The following SLC39A11 variants were observed in gnomAD, a reference collection of about 807,000 sequenced individuals.
The protein encoded by SLC39A11 is zinc transporter ZIP11.
Under a neutral mutation model 36.1 loss-of-function variants are expected in SLC39A11, and 33 were observed. The observed-to-expected ratio is 0.91, with a 90% confidence interval of 0.69 to 1.22. The LOEUF (loss-of-function observed/expected upper bound fraction) is 1.22. Ranked by LOEUF, SLC39A11 falls within the 50% of genes most tolerant of loss-of-function variation. The probability of loss-of-function intolerance (pLI) is 0.00; values close to 1 mark genes in which losing one functional copy is unlikely to be tolerated. For synonymous variants in SLC39A11, 166 were observed against 170.3 expected (o/e 0.97, Z 0.20); for missense variants, 432 against 430.3 (o/e 1.00, Z -0.03).
chr17:72,826,489 T>G (rs1267911520), intron 6 of SLC39A11, among the ~76,000 whole-genome samples: 1 of 152,334 alleles, frequency 6.6e-6, no homozygotes, highest in Non-Finnish European at 1.5e-5. Context: ...TGATTTTTTC[T>G]AAGCTAATTG....
chr17:72,716,189 C>A (rs899760428), intron 7 of SLC39A11, among the ~76,000 whole-genome samples: 2 of 152,146 alleles, frequency 1.3e-5, no homozygotes, highest in African/African-American at 2.4e-5. Flanking sequence ...AGGCCCCTGG[C>A]AGATGGCAGG....
At chr17:73,082,422 T>C (rs1408783705) in intron 3 of SLC39A11, among the ~76,000 whole-genome samples, 1 of 152,186 alleles carries the variant, frequency 6.6e-6, no homozygotes, top group Non-Finnish European at 1.5e-5. Context: ...AGTTATTAAG[T>C]AGTCATTACT....
intron 7 of SLC39A11, among the ~76,000 whole-genome samples, chr17:72,670,210 CACATATAT>C (rs2070961036): frequency 2.9e-5 from 2 of 68,868 alleles, no homozygotes; most frequent in African/African-American, 6.1e-5. Flanking sequence ...CACACACACA[CACATATAT>C]ATATATGCCA....
chr17:72,656,643 G>A (rs2070137623), intron 7 of SLC39A11, among the ~76,000 whole-genome samples: 1 of 152,036 alleles, frequency 6.6e-6, no homozygotes, highest in Admixed American at 6.5e-5. Context: ...CTCCCGGGGA[G>A]GTCTGTCTGC....
At chr17:72,658,959 C>T (rs2070279632) in intron 7 of SLC39A11, among the ~76,000 whole-genome samples, 1 of 152,106 alleles carries the variant, frequency 6.6e-6, no homozygotes, top group Admixed American at 6.5e-5. Flanking sequence ...CCTCCTATTC[C>T]CCCCAGACTG....
In SLC39A11 at chr17:72,948,539, A is replaced by G. The variant is rs935731705; in HGVS notation, c.307-664T>C. On this transcript the variant is annotated intron_variant, in intron 4 of 9. Transcript: ENST00000255559. The stretch of plus-strand genomic sequence containing the variant: ...CTTATTTGGAATTCACCATCTCCAC[A>G]TCTTCACGTGTCTTATGAGATCAAA... Among the ~76,000 whole-genome samples the G allele has an allele frequency of 3.3e-5, 5 of 152,246 alleles. No individual in the cohort carries two copies. In the East Asian group the frequency reaches 9.6e-4, roughly 29 times the overall value.
At chr17:72,807,721 A>G (rs765960763) in intron 6 of SLC39A11, among the ~76,000 whole-genome samples, 2 of 152,238 alleles carry the variant, frequency 1.3e-5, no homozygotes, top group Non-Finnish European at 2.9e-5. Context: ...TAACTGCCCA[A>G]TGCATCTCTT....
chr17:72,861,666 T>TATATAC (rs1555605359), intron 5 of SLC39A11, among the ~76,000 whole-genome samples: 2 of 107,090 alleles, frequency 1.9e-5, no homozygotes, highest in Non-Finnish European at 3.7e-5. Context: ...ATTATATATA[T>TATATAC]ATATATATAT....
intron 6 of SLC39A11, among the ~76,000 whole-genome samples, chr17:72,826,073 A>AT (rs2078017770): frequency 6.6e-6 from 1 of 152,124 alleles, no homozygotes; most frequent in South Asian, 2.1e-4. Flanking sequence ...TATGGTTTGG[A>AT]TTTGTGTCCC....
chr17:72,669,907 T>C (rs188214813), intron 7 of SLC39A11, among the ~76,000 whole-genome samples: 56 of 150,870 alleles, frequency 3.7e-4, no homozygotes, highest in African/African-American at 1.3e-3. Flanking sequence ...CACATATATA[T>C]ACGTATAGAT....
intron 6 of SLC39A11, among the ~76,000 whole-genome samples, chr17:72,775,485 G>A (rs1432009352): frequency 6.6e-6 from 1 of 152,202 alleles, no homozygotes; most frequent in Non-Finnish European, 1.5e-5. Flanking sequence ...TGACTGGGCT[G>A]CAAGGTAGAG....
intron 3 of SLC39A11, among the ~76,000 whole-genome samples, chr17:73,058,499 GATC>G (rs2059740924): frequency 6.6e-6 from 1 of 152,162 alleles, no homozygotes; most frequent in African/African-American, 2.4e-5. Context: ...CAGACGGGCA[GATC>G]ACCTGAGGTC....
intron 6 of SLC39A11, among the ~76,000 whole-genome samples, chr17:72,757,354 CT>C (rs2144468652): frequency 6.6e-6 from 1 of 152,102 alleles, no homozygotes; most frequent in African/African-American, 2.4e-5. Context: ...TGGTGGCCCC[CT>C]AGGATGCTGT....
At chr17:72,991,661 G>A (rs945372664) in intron 4 of SLC39A11, among the ~76,000 whole-genome samples, 5 of 152,256 alleles carry the variant, frequency 3.3e-5, no homozygotes, top group East Asian at 1.9e-4. Flanking sequence ...GCCCGGCCAT[G>A]CAACTTACTT....
At chr17:73,013,459 C>A (rs144648640) in intron 4 of SLC39A11, among the ~76,000 whole-genome samples, 1 of 152,354 alleles carries the variant, frequency 6.6e-6, no homozygotes, top group Non-Finnish European at 1.5e-5. Context: ...TCAATCACAA[C>A]CATCACAGCT....
At chr17:72,969,367 G>GA (rs1204095589) in intron 4 of SLC39A11, among the ~76,000 whole-genome samples, 3 of 151,908 alleles carry the variant, frequency 2.0e-5, no homozygotes, top group African/African-American at 7.3e-5. Context: ...AGGAGAGAGG[G>GA]AAAAAGGGGG....
At chr17:73,011,406 T>C (rs1362448176) in intron 4 of SLC39A11, among the ~76,000 whole-genome samples, 2 of 151,888 alleles carry the variant, frequency 1.3e-5, no homozygotes, top group Non-Finnish European at 2.9e-5. Context: ...AAATGGAAGG[T>C]AGAGGAGCCC....
chr17:72,945,208 A>G (rs1454156698), intron 5 of SLC39A11, among the ~76,000 whole-genome samples: 1 of 152,202 alleles, frequency 6.6e-6, no homozygotes, highest in Non-Finnish European at 1.5e-5. Context: ...ATAGGAAAGT[A>G]TCTCATAAAT....
chr17:73,067,540 CTTT>C (rs200710058), intron 3 of SLC39A11, among the ~76,000 whole-genome samples: 1 of 151,662 alleles, frequency 6.6e-6, no homozygotes, highest in Admixed American at 6.6e-5. Flanking sequence ...TTTGTTTTTT[CTTT>C]TTTTTGAGAA....
Sources: allele counts gnomAD v4.1 joint callset (sites outside exome capture counted in the v4.1 genomes callset), GRCh38; gene constraint gnomAD v4.1.1; transcripts MANE v1.5; gene names NCBI Gene and HGNC (gene_info 2026-07-23, HGNC 2026-07-21).